Variants in EPHA5 observed in about 807,000 individuals in gnomAD.
EPHA5 encodes the protein ephrin type-A receptor 5.
A neutral mutation model predicts 105.0 loss-of-function variants in EPHA5; 60 were observed. That is an observed-to-expected ratio of 0.57 (90% confidence interval 0.46 to 0.71). The LOEUF (loss-of-function observed/expected upper bound fraction) is 0.71. EPHA5 is among the 30% of genes least tolerant of loss of function. EPHA5 has a pLI of 0.00. For missense variants in EPHA5, 1,218 were observed against 1,274.7 expected (o/e 0.96, Z 0.68); for synonymous variants, 513 against 449.1 (o/e 1.14, Z -1.80).
intron 5 of EPHA5, among the ~76,000 whole-genome samples, chr4:65,479,472 A>G (rs6551929): frequency 0.95 from 144,800 of 152,238 alleles, 69,016 homozygotes; most frequent in East Asian, 1. Flanking sequence ...TCTTGGTGAA[A>G]AAAATAGAAC....
chr4:65,637,228 T>TTG (rs1747205418), intron 2 of EPHA5, among the ~76,000 whole-genome samples: 2 of 150,980 alleles, frequency 1.3e-5, no homozygotes, highest in South Asian at 2.1e-4. Context: ...CAGAAAAGTT[T>TTG]TTTTTTTTTT....
At chr4:65,633,213 T>C (rs994763813) in intron 2 of EPHA5, among the ~76,000 whole-genome samples, 8 of 151,820 alleles carry the variant, frequency 5.3e-5, no homozygotes, top group African/African-American at 1.9e-4. Flanking sequence ...ATGGAAATAA[T>C]CAACAGGAAT....
chr4:65,332,595 G>C (rs373327197), intron 15 of EPHA5, among the ~76,000 whole-genome samples: 2 of 149,728 alleles, frequency 1.3e-5, no homozygotes, highest in Non-Finnish European at 3.0e-5. Flanking sequence ...TCATTCTGGC[G>C]GTTGATGCTG....
intron 3 of EPHA5, among the ~76,000 whole-genome samples, chr4:65,514,706 TC>T (rs1344870593): frequency 1.3e-5 from 2 of 152,130 alleles, no homozygotes; most frequent in East Asian, 3.9e-4. Flanking sequence ...AACAGAACAC[TC>T]CCATTTTTCT....
intron 3 of EPHA5, chr4:65,573,716 G>A (rs1230781512): frequency 3.8e-6 from 6 of 1,598,690 alleles, no homozygotes; most frequent in East Asian, 4.5e-5. Flanking sequence ...AAAAGAAGGA[G>A]AAGGTTCTTG....
intron 1 of EPHA5, among the ~76,000 whole-genome samples, chr4:65,646,529 A>G (rs1474613269): frequency 1.3e-5 from 2 of 152,176 alleles, no homozygotes; most frequent in African/African-American, 2.4e-5. Flanking sequence ...TATGTGGTGA[A>G]ACATCCTACA....
chr4:65,347,925 A>G lies in EPHA5; in HGVS notation c.2595+129T>C, dbSNP rs1203124452. On this transcript the variant is annotated intron_variant, in intron 14 of 16. Coordinates refer to ENST00000613740, the MANE Select transcript of EPHA5 (RefSeq NM_001281766.3). ...AGGATATTTCAACAACACAAAACAG[A>G]TCAGAGGGTAAGCAAAGTATTTCAT... is the stretch of plus-strand genomic sequence containing the variant. The G allele has an allele frequency of 3.1e-6, 3 of 973,212 alleles. No homozygotes were observed. The African/African-American group carries it at 4.9e-5, about 16-fold the overall frequency. The allele number at this position is 973,212 out of a possible 1,614,324, so 60.3% of individuals were successfully genotyped here. A position where few individuals can be genotyped will look rare whatever the true frequency, so the allele number is the denominator to read the frequency against.
intron 5 of EPHA5, among the ~76,000 whole-genome samples, chr4:65,482,351 A>G (rs1228263277): frequency 6.6e-6 from 1 of 152,068 alleles, no homozygotes; most frequent in African/African-American, 2.4e-5. Flanking sequence ...GAAAGAGCTC[A>G]GAAGATACTT....
chr4:65,633,037 G>A (rs1578639620), intron 2 of EPHA5, among the ~76,000 whole-genome samples: 1 of 151,998 alleles, frequency 6.6e-6, no homozygotes, highest in Non-Finnish European at 1.5e-5. Context: ...ACAATGGCTA[G>A]GCTCCAAAGG....
chr4:65,508,781 G>A (rs1411578207), intron 3 of EPHA5, among the ~76,000 whole-genome samples: 1 of 151,766 alleles, frequency 6.6e-6, no homozygotes, highest in Non-Finnish European at 1.5e-5. Context: ...TATAGATAAA[G>A]GTTTTCACAC....
intron 5 of EPHA5, among the ~76,000 whole-genome samples, chr4:65,441,567 G>A (rs1270336254): frequency 6.6e-6 from 1 of 151,906 alleles, no homozygotes; most frequent in Non-Finnish European, 1.5e-5. Context: ...GAGAGAGGAA[G>A]AGATAAAGTA....
intron 3 of EPHA5, among the ~76,000 whole-genome samples, chr4:65,502,091 A>G (rs1732548064): frequency 6.6e-6 from 1 of 151,890 alleles, no homozygotes. Flanking sequence ...TACTATGTAC[A>G]AAAATTAATT....
chr4:65,655,651 G>T (rs764127134), intron 1 of EPHA5, among the ~76,000 whole-genome samples: 1 of 152,146 alleles, frequency 6.6e-6, no homozygotes, highest in Non-Finnish European at 1.5e-5. Flanking sequence ...CAAGGATAAA[G>T]ATCAGAATTA....
intron 5 of EPHA5, among the ~76,000 whole-genome samples, chr4:65,465,990 A>G (rs1487952132): frequency 6.6e-6 from 1 of 152,224 alleles, no homozygotes; most frequent in Non-Finnish European, 1.5e-5. Context: ...TCACACTTTC[A>G]AGGACAAACA....
chr4:65,616,016 G>A (rs560335142), intron 2 of EPHA5, among the ~76,000 whole-genome samples: 11 of 151,950 alleles, frequency 7.2e-5, no homozygotes, highest in South Asian at 2.1e-4. Context: ...TATGGTAGCC[G>A]AAAACTGGAA....
At chr4:65,655,397 C>T (rs1052747823) in intron 1 of EPHA5, among the ~76,000 whole-genome samples, 6 of 151,962 alleles carry the variant, frequency 3.9e-5, no homozygotes, top group African/African-American at 9.7e-5. Flanking sequence ...TAGAAGTTCC[C>T]GCACAACTAC....
intron 1 of EPHA5, among the ~76,000 whole-genome samples, chr4:65,657,605 G>A (rs1433121011): frequency 1.3e-5 from 2 of 152,100 alleles, no homozygotes; most frequent in African/African-American, 2.4e-5. Context: ...TAACTTTTCA[G>A]TTTAAGAAAG....
At chr4:65,669,148 G>A (rs1750226169) in intron 1 of EPHA5, among the ~76,000 whole-genome samples, 1 of 151,994 alleles carries the variant, frequency 6.6e-6, no homozygotes, top group African/African-American at 2.4e-5. Context: ...CTGCTCCAGA[G>A]ATCCTTGTCA....
chr4:65,385,125 A>C (rs546842669), intron 8 of EPHA5, among the ~76,000 whole-genome samples: 1 of 151,932 alleles, frequency 6.6e-6, no homozygotes, highest in African/African-American at 2.4e-5. Flanking sequence ...CGTCAGCTCA[A>C]ATAAATAACG....
Sources: gnomAD v4.1 joint callset for allele counts (sites outside exome capture counted in the v4.1 genomes callset) on GRCh38, gnomAD v4.1.1 for gene constraint, MANE v1.5 for transcripts, NCBI Gene and HGNC (gene_info 2026-07-23, HGNC 2026-07-21) for gene names.